Variants in SLC2A13 observed in about 807,000 individuals in gnomAD.
The protein encoded by SLC2A13 is proton myo-inositol cotransporter.
Under a neutral mutation model 64.4 loss-of-function variants are expected in SLC2A13, and 32 were observed. The ratio of observed to expected loss-of-function variants is 0.50; its 90% CI spans 0.37 to 0.67. The LOEUF (loss-of-function observed/expected upper bound fraction) is 0.67. Ranked by LOEUF, SLC2A13 falls within the 30% of genes least tolerant of loss-of-function variation. SLC2A13 has a pLI of 0.00. For synonymous variants in SLC2A13, 338 were observed against 327.1 expected (o/e 1.03, Z -0.36); for missense variants, 743 against 829.2 (o/e 0.90, Z 1.28).
chr12:39,762,300 G>T (rs1940183330), intron 9 of SLC2A13, among the ~76,000 whole-genome samples: 1 of 150,244 alleles, frequency 6.7e-6, no homozygotes. Flanking sequence ...AGTCCATCAG[G>T]ACTATTGAAC....
intron 3 of SLC2A13, among the ~76,000 whole-genome samples, chr12:39,995,592 A>G (rs1228429733): frequency 6.6e-6 from 1 of 152,244 alleles, no homozygotes; most frequent in Admixed American, 6.5e-5. Flanking sequence ...ATATAAAAGT[A>G]GGCATACAAA....
At chr12:40,046,374 C>T (rs1426010963) in intron 2 of SLC2A13, among the ~76,000 whole-genome samples, 1 of 152,116 alleles carries the variant, frequency 6.6e-6, no homozygotes, top group African/African-American at 2.4e-5. Context: ...CTTTCCTAAC[C>T]AGGACTGAGA....
At chr12:39,980,877 T>C (rs1328754721) in intron 3 of SLC2A13, among the ~76,000 whole-genome samples, 1 of 151,730 alleles carries the variant, frequency 6.6e-6, no homozygotes, top group Non-Finnish European at 1.5e-5. Flanking sequence ...ATACATTTTT[T>C]TCAGCACCAC....
At chr12:39,777,039 A>G (rs1940802205) in intron 7 of SLC2A13, among the ~76,000 whole-genome samples, 1 of 152,212 alleles carries the variant, frequency 6.6e-6, no homozygotes, top group African/African-American at 2.4e-5. Context: ...TATTCCAACT[A>G]TGCTGTACTA....
chr12:39,958,521 G>T (rs1050331348), intron 3 of SLC2A13, among the ~76,000 whole-genome samples: 2 of 152,100 alleles, frequency 1.3e-5, no homozygotes, highest in South Asian at 4.1e-4. Context: ...AACATCCCCA[G>T]TCTCTACCGA....
intron 2 of SLC2A13, among the ~76,000 whole-genome samples, chr12:40,032,619 G>A (rs1032778461): frequency 2.0e-5 from 3 of 152,164 alleles, no homozygotes; most frequent in Non-Finnish European, 4.4e-5. Flanking sequence ...CTGCATTCCT[G>A]GGGCCAGACC....
intron 1 of SLC2A13, among the ~76,000 whole-genome samples, chr12:40,076,570 T>C (rs189169566): frequency 3.9e-5 from 6 of 152,300 alleles, no homozygotes; most frequent in South Asian, 2.1e-4. Flanking sequence ...AACATCTAGG[T>C]TGATTCCATG....
chr12:39,996,943 G>A (rs1947241665), intron 3 of SLC2A13, among the ~76,000 whole-genome samples: 1 of 152,120 alleles, frequency 6.6e-6, no homozygotes, highest in African/African-American at 2.4e-5. Flanking sequence ...TCAATATTGT[G>A]ATAATGACCA....
intron 3 of SLC2A13, among the ~76,000 whole-genome samples, chr12:39,977,952 T>C (rs79757443): frequency 6.6e-6 from 1 of 152,350 alleles, no homozygotes; most frequent in East Asian, 1.9e-4. Context: ...ATCTTTATGA[T>C]AATTTTTCTT....
intron 7 of SLC2A13, among the ~76,000 whole-genome samples, chr12:39,815,433 A>G (rs1942313013): frequency 1.3e-5 from 2 of 152,220 alleles, no homozygotes; most frequent in African/African-American, 4.8e-5. Flanking sequence ...TTCTTTGTCA[A>G]AACAGCTATA....
intron 3 of SLC2A13, among the ~76,000 whole-genome samples, chr12:39,958,216 T>C (rs1946350126): frequency 6.6e-6 from 1 of 152,168 alleles, no homozygotes; most frequent in Non-Finnish European, 1.5e-5. Context: ...CCACAAAACA[T>C]TGGAAAGATT....
chr12:39,980,542 G>C (rs1184019493), intron 3 of SLC2A13, among the ~76,000 whole-genome samples: 1 of 151,722 alleles, frequency 6.6e-6, no homozygotes. Context: ...TGATAAAGCA[G>C]ACTTTAAACC....
intron 3 of SLC2A13, among the ~76,000 whole-genome samples, chr12:40,016,888 A>G (rs1159016801): frequency 1.3e-5 from 2 of 152,236 alleles, no homozygotes; most frequent in Admixed American, 1.3e-4. Flanking sequence ...CTAGAAGAAA[A>G]TACTAATAAC....
intron 4 of SLC2A13, among the ~76,000 whole-genome samples, chr12:39,899,100 C>T (rs548956055): frequency 1.3e-5 from 2 of 152,142 alleles, no homozygotes; most frequent in African/African-American, 2.4e-5. Flanking sequence ...GGCTGTGAAT[C>T]CATCTGGTCC....
At chr12:39,999,429 C>T (rs1274591444) in intron 3 of SLC2A13, among the ~76,000 whole-genome samples, 1 of 152,102 alleles carries the variant, frequency 6.6e-6, no homozygotes, top group Non-Finnish European at 1.5e-5. Flanking sequence ...AGAAGGAATG[C>T]ATTCATGGGG....
intron 6 of SLC2A13, among the ~76,000 whole-genome samples, chr12:39,860,812 T>C (rs1224798117): frequency 6.6e-6 from 1 of 152,110 alleles, no homozygotes; most frequent in Non-Finnish European, 1.5e-5. Context: ...GCAACTGTCA[T>C]CTCTCTCATA....
intron 6 of SLC2A13, among the ~76,000 whole-genome samples, chr12:39,841,179 G>C (rs1310682806): frequency 6.6e-6 from 1 of 152,112 alleles, no homozygotes; most frequent in African/African-American, 2.4e-5. Context: ...CTGTTTAAAA[G>C]CAACCAGGCT....
At chr12:40,094,989 G>A (rs954330440) in intron 1 of SLC2A13, among the ~76,000 whole-genome samples, 1 of 152,164 alleles carries the variant, frequency 6.6e-6, no homozygotes, top group Non-Finnish European at 1.5e-5. Flanking sequence ...GAGGGAGTGT[G>A]GAATGGGAGC....
chr12:39,999,908 G>A (rs1947295932), intron 3 of SLC2A13, among the ~76,000 whole-genome samples: 1 of 152,134 alleles, frequency 6.6e-6, no homozygotes, highest in Non-Finnish European at 1.5e-5. Context: ...TGGGCATCAC[G>A]GTCCTACCAA....
Sources: gnomAD v4.1 joint callset for allele counts (sites outside exome capture counted in the v4.1 genomes callset) on GRCh38, gnomAD v4.1.1 for gene constraint, MANE v1.5 for transcripts, NCBI Gene and HGNC (gene_info 2026-07-23, HGNC 2026-07-21) for gene names.